The following CHD8 variants were observed in gnomAD, a reference collection of about 807,000 sequenced individuals.
CHD8 encodes the protein chromodomain helicase DNA binding protein 8, also known as ATP-dependent chromatin remodeler CHD8.
A neutral mutation model predicts 279.2 loss-of-function variants in CHD8; 31 were observed. The ratio of observed to expected loss-of-function variants is 0.11; its 90% CI spans 0.08 to 0.15. The LOEUF (loss-of-function observed/expected upper bound fraction) is 0.15. Ranked by LOEUF, CHD8 falls within the 10% of genes least tolerant of loss-of-function variation. The pLI, the probability that CHD8 is intolerant of heterozygous loss-of-function variation, is 1.00. For synonymous variants in CHD8, 1,081 were observed against 1,139.6 expected (o/e 0.95, Z 1.04); for missense variants, 2,146 against 3,230.5 (o/e 0.66, Z 8.14).
At chr14:21,409,353 T>C (rs1320018239) in intron 11 of CHD8, among the ~76,000 whole-genome samples, 3 of 152,148 alleles carry the variant, frequency 2.0e-5, no homozygotes, top group Admixed American at 6.5e-5. Flanking sequence ...GAGAAAATTA[T>C]AACGGAGGGA....
intron 30 of CHD8, 168 bp downstream of exon 30, chr14:21,394,744 T>C: frequency 2.9e-6 from 2 of 685,472 alleles, no homozygotes; most frequent in Non-Finnish European, 4.8e-6. Flanking sequence ...TGAGAGTTAA[T>C]GATTACTGCA....
intron 5 of CHD8, among the ~76,000 whole-genome samples, chr14:21,418,548 G>T (rs1291364547): frequency 6.6e-6 from 1 of 151,704 alleles, no homozygotes; most frequent in African/African-American, 2.4e-5. Flanking sequence ...AGGCGCGGTG[G>T]CCCACGCCTG....
rs754642851 is a variant in CHD8 at position 21,412,988 on chromosome 14, C to T, written c.2151G>A (p.Glu717=). 1.2e-6 allele frequency: 2 copies of T among 1,602,058 alleles called. No individual in the cohort carries two copies. The highest frequency in any genetic ancestry group is 1.7e-6 in the Non-Finnish European group (2 of 1,169,594). ...CCTCTACGTAGTCTGGATTAAAGGGCTCTTCATCCTAGATGAGTTAGGAAA... is the reference window on the plus strand; with the variant it reads ...CCTCTACGTAGTCTGGATTAAAGGGTTCTTCATCCTAGATGAGTTAGGAAA... ...QMRHFFHEDE[E]PFNPDYVEVD... Residue 717 remains glutamate (E), a synonymous_variant, in exon 10 of 38, where the codon GAG becomes GAA. Transcript: ENST00000646647.
At chr14:21,390,789 A>G (rs889476368) in intron 37 of CHD8, among the ~76,000 whole-genome samples, 158 bp downstream of exon 37, 2 of 149,758 alleles carry the variant, frequency 1.3e-5, no homozygotes, top group Non-Finnish European at 3.0e-5. Flanking sequence ...AAAAAACCCC[A>G]GAAAACTCCG....
At position 21,403,830 on chromosome 14, in the gene CHD8, G is replaced by GC. The variant is rs1302645248; in HGVS notation, c.3308-168_3308-167insG. The stretch of plus-strand genomic sequence containing the variant: ...AAGTCTTAAATCGGCTGGGTACGGT[G>GC]GCTCATGCCTGTAATCCCAACACTT... On this transcript the variant is annotated intron_variant, in intron 16 of 37. Coordinates refer to ENST00000646647, the MANE Select transcript of CHD8 (RefSeq NM_001170629.2). The surrounding 1 kb of genome is among the most constrained non-coding windows in gnomAD (Gnocchi z 4.3). Among the ~76,000 whole-genome samples, 1 of 152,208 alleles carries GC rather than the reference G, an allele frequency of 6.6e-6. No individual in the cohort carries two copies. Among genetic ancestry groups the GC allele is most frequent in the Non-Finnish European group, 1.5e-5 (1 of 68,038 alleles).
At chr14:21,455,847 G>A (rs893961663) in intron 1 of CHD8, among the ~76,000 whole-genome samples, 185 bp downstream of exon 1, 1 of 151,892 alleles carries the variant, frequency 6.6e-6, no homozygotes, top group African/African-American at 2.4e-5. Flanking sequence ...CCTCTCCCCC[G>A]GCCTCTCACA....
At position 21,400,415 on chromosome 14, in the gene CHD8, G is replaced by A. The variant is rs1434331728; in HGVS notation, c.4568C>T (p.Ser1523Leu). 6.2e-7 allele frequency: 1 copy of A among 1,600,248 alleles called. No homozygotes were observed. Among genetic ancestry groups the A allele is most frequent in the Admixed American group, 1.8e-5 (1 of 55,930 alleles). ...TAAAGTAAAGAGTTGATAATTACCTGAATGATTCTGCAATTCTTTTGTCTT... is the reference window on the plus strand; with the variant it reads ...TAAAGTAAAGAGTTGATAATTACCTAAATGATTCTGCAATTCTTTTGTCTT... Reference protein sequence around the residue: ...NGKTKELQNHSGLSIPVPRGR... With the variant: ...NGKTKELQNHLGLSIPVPRGR... The change falls in exon 23 of 38, where the codon TCA becomes TTA. Residue 1523 changes from serine to leucine, a missense_variant and splice_region_variant. By Grantham distance (145) the Ser-to-Leu change is moderately radical. Transcript: ENST00000646647. The surrounding 1 kb of genome is among the most constrained non-coding windows in gnomAD (Gnocchi z 4.2).
Position 21,431,659 on chromosome 14 carries a change from G to C in CHD8, c.-16C>G. 1 of 1,556,508 alleles carries C rather than the reference G, an allele frequency of 6.4e-7. No individual in the cohort carries two copies. The highest frequency in any genetic ancestry group is 8.7e-7 in the Non-Finnish European group (1 of 1,153,386). ...GGTCTGCCATCTTGGGAAAGTAATGGAGGGTACTTCTCCAAGGTCTAGGGA... is the reference window on the plus strand; with the variant it reads ...GGTCTGCCATCTTGGGAAAGTAATGCAGGGTACTTCTCCAAGGTCTAGGGA... On this transcript the variant is annotated 5_prime_UTR_variant, in exon 2 of 38. Transcript: ENST00000646647.
At chr14:21,426,057 A>G (rs776680631) in intron 5 of CHD8, 71 bp downstream of exon 5, 6 of 904,902 alleles carry the variant, frequency 6.6e-6, no homozygotes, top group African/African-American at 1.7e-5. Context: ...CGATTTCTCA[A>G]TATCTGCTTG....
Position 21,408,569 on chromosome 14 carries a change from A to G in CHD8, c.2487-14T>C. The G allele has an allele frequency of 1.9e-6, 3 of 1,600,996 alleles. No homozygotes were observed. The highest frequency in any genetic ancestry group is 2.6e-6 in the Non-Finnish European group (3 of 1,174,202). On this transcript the variant is annotated splice_polypyrimidine_tract_variant and intron_variant, in intron 12 of 37. Transcript: ENST00000646647. This position sits in a 1 kb window ranked among gnomAD's most constrained non-coding sequence, Gnocchi z 4.3. Reference sequence around the variant, plus strand: ...ATGCAGTTCTGCCTGCAGATTCACCATGGGAAAAAAAAAATGTTAAAAGAT... The same window carrying G: ...ATGCAGTTCTGCCTGCAGATTCACCGTGGGAAAAAAAAAATGTTAAAAGAT...
At chr14:21,401,752 T>G in intron 20 of CHD8, 1 of 589,950 alleles carries the variant, frequency 1.7e-6, no homozygotes. Context: ...TCCTGGCTAA[T>G]TTTTGTATTT....
chr14:21,451,399 G>A (rs993011158), intron 1 of CHD8, among the ~76,000 whole-genome samples: 2 of 151,326 alleles, frequency 1.3e-5, no homozygotes, highest in Non-Finnish European at 1.5e-5. Flanking sequence ...GTGAAACCCC[G>A]ACTCTACTAA....
Position 21,395,817 on chromosome 14 carries a change from C to T in CHD8, c.5127G>A (p.Glu1709=), listed in dbSNP as rs749031417. The change falls in exon 28 of 38, where the codon GAG becomes GAA. Residue 1709 remains glutamate (E), a splice_region_variant and synonymous_variant. Coordinates refer to ENST00000646647, the MANE Select transcript of CHD8 (RefSeq NM_001170629.2). ...TGAGACTCAAATGAGAATTCCTTAC[C>T]TCATCATCTTGGTCCTTTGGGGGAC... is the stretch of plus-strand genomic sequence containing the variant. ...LQGPPKDQDD[E]GDPLMMMDEE... 8.8e-6 allele frequency: 14 copies of T among 1,584,818 alleles called. No homozygotes were observed. Among genetic ancestry groups the T allele is most frequent in the Middle Eastern group, 1.7e-4 (1 of 6,014 alleles).
rs1318614273 is a variant in CHD8, at chr14:21,405,556, ACTAT to A, written c.3052-96_3052-93del. The A allele has an allele frequency of 4.0e-6, 6 of 1,514,410 alleles. No individual in the cohort carries two copies. Among genetic ancestry groups the A allele is most frequent in the Admixed American group, 2.0e-5 (1 of 49,490 alleles). The allele number at this position is 1,514,410 out of a possible 1,614,324, so 93.8% of individuals were successfully genotyped here. On this transcript the variant is annotated intron_variant, in intron 15 of 37. Coordinates refer to ENST00000646647, the MANE Select transcript of CHD8 (RefSeq NM_001170629.2). The surrounding 1 kb of genome is among the most constrained non-coding windows in gnomAD (Gnocchi z 4.2). ...AAACATGGAAAAATTAGAGTTTTCC[ACTAT>A]CTAAGAAATGTATACTTTGGATGAT...
In CHD8 at chr14:21,431,802, T is replaced by C; in HGVS notation, c.-159A>G. 6.2e-7 allele frequency: 1 copy of C among 1,613,646 alleles called. No homozygotes were observed. Among genetic ancestry groups the C allele is most frequent in the South Asian group, 1.1e-5 (1 of 91,072 alleles). On this transcript the variant is annotated 5_prime_UTR_variant, in exon 2 of 38. Transcript: ENST00000646647. ...GGCAAGAAACAAGTGCATGTCAGAT[T>C]GTCCTGACCTTCATGGAGCAAGATG...
At chr14:21,453,891 C>T (rs186759306) in intron 1 of CHD8, among the ~76,000 whole-genome samples, 1 of 151,760 alleles carries the variant, frequency 6.6e-6, no homozygotes, top group Non-Finnish European at 1.5e-5. Context: ...AAAAGTGGCT[C>T]ATGCCTGTAA....
At chr14:21,386,884 C>T (rs1887273123) in intron 37 of CHD8, among the ~76,000 whole-genome samples, 2 of 151,758 alleles carry the variant, frequency 1.3e-5, no homozygotes, top group South Asian at 4.2e-4. Context: ...AAGTTGTTCA[C>T]TTGTTCTTAC....
intron 26 of CHD8, chr14:21,399,023 G>A: frequency 2.5e-6 from 1 of 406,926 alleles, no homozygotes; most frequent in Non-Finnish European, 4.9e-6. Flanking sequence ...TCCACGACAA[G>A]GAGGGCATCC....
rs776342128 is a variant in CHD8 at position 21,412,916 on chromosome 14, C to T, written c.2223G>A (p.Gly741=). ...DESHSIDKDN[G]EPVIYYLVKW... is the part of the protein sequence containing the mutation. The stretch of plus-strand genomic sequence containing the variant: ...ACTCCATGCCTCAACAACTCACCTC[C>T]CCATTGTCCTTGTCAATACTGTGAG... Residue 741 remains glycine, a synonymous_variant, in exon 10 of 38, where the codon GGG becomes GGA. Transcript: ENST00000646647. 1.3e-6 allele frequency: 2 copies of T among 1,591,954 alleles called. No homozygotes were observed. The highest frequency in any genetic ancestry group is 2.2e-5 in the East Asian group (1 of 44,776).
Sources: gnomAD v4.1 joint callset for allele counts (sites outside exome capture counted in the v4.1 genomes callset) on GRCh38, gnomAD v4.1.1 for gene constraint, Gnocchi (gnomAD v3.1) non-coding constraint, MANE v1.5 for transcripts, NCBI Gene and HGNC (gene_info 2026-07-23, HGNC 2026-07-21) for gene names.